STPG2: variants seen among roughly 807,000 people sequenced by gnomAD.
The protein encoded by STPG2 is sperm-tail PG-rich repeat-containing protein 2.
In STPG2, 56 loss-of-function variants were observed where a neutral mutation model predicts 54.2. That is an observed-to-expected ratio of 1.03 (90% confidence interval 0.83 to 1.29). The LOEUF (loss-of-function observed/expected upper bound fraction) is 1.29, where lower values mean the gene tolerates loss of function less well. STPG2 is among the 50% of genes most tolerant of loss of function. The probability of loss-of-function intolerance (pLI) is 0.00; values close to 1 mark genes in which losing one functional copy is unlikely to be tolerated. For missense variants in STPG2, 596 were observed against 544.9 expected (o/e 1.09, Z -0.93); for synonymous variants, 200 against 181.8 (o/e 1.10, Z -0.81).
At position 97,700,910 on chromosome 4, in the gene STPG2, A is replaced by G. The variant is rs1444427271; in HGVS notation, c.1320+11789T>C. ...AAATCAATGAAACCACATTTGGTAC[A>G]GCAGCTGAAATTGGAGTCACCACTT... is the stretch of plus-strand genomic sequence containing the variant. On this transcript the variant is annotated intron_variant, in intron 10 of 10. Transcript: ENST00000295268. 4.6e-5 allele frequency among the ~76,000 whole-genome samples: 7 copies of G among 152,350 alleles called. No individual in the cohort carries two copies. In the East Asian group the frequency reaches 1.4e-3, roughly 29 times the overall value.
rs898567370 is a variant in STPG2 at position 97,547,872 on chromosome 4, C to T, written c.462+164827G>A. Among the ~76,000 whole-genome samples, 89 of 152,188 alleles carry T rather than the reference C, an allele frequency of 5.8e-4. 1 individual carries two copies. Among genetic ancestry groups the T allele is most frequent in the Non-Finnish European group, 1.1e-3 (73 of 68,002 alleles). On this transcript the variant is annotated intron_variant, in intron 4 of 4. Transcript: ENST00000522676. ...TAGCTGTATAAAGAGAAACATGAGC[C>T]GGGCATGGTCGCTCATGCCTGTAAT...
At chr4:97,589,335 T>A (rs941568495) in intron 10 of STPG2, among the ~76,000 whole-genome samples, 2 of 152,072 alleles carry the variant, frequency 1.3e-5, no homozygotes, top group East Asian at 3.9e-4. Context: ...CATTATATAG[T>A]AGGGAATAGC....
chr4:97,661,250 CA>C (rs1329460752), intron 10 of STPG2, among the ~76,000 whole-genome samples: 1 of 151,968 alleles, frequency 6.6e-6, no homozygotes, highest in Non-Finnish European at 1.5e-5. Flanking sequence ...AAAAGAAACA[CA>C]AAAATGGGCT....
intron 4 of STPG2, among the ~76,000 whole-genome samples, chr4:97,534,354 A>G (rs1334659319): frequency 6.6e-6 from 1 of 152,100 alleles, no homozygotes; most frequent in African/African-American, 2.4e-5. Context: ...ATCTTACCCT[A>G]TGCAGACTTA....
At chr4:98,109,931 C>A (rs564123849) in intron 3 of STPG2, among the ~76,000 whole-genome samples, 1 of 152,098 alleles carries the variant, frequency 6.6e-6, no homozygotes, top group South Asian at 2.1e-4. Flanking sequence ...TAAGCATGAA[C>A]CATAAAAAGT....
intron 2 of STPG2, among the ~76,000 whole-genome samples, chr4:98,131,907 T>C (rs1375086519): frequency 6.6e-6 from 1 of 152,044 alleles, no homozygotes; most frequent in African/African-American, 2.4e-5. Context: ...CTATAAATCT[T>C]CCATAAATTA....
In STPG2 at chr4:97,852,977, T is replaced by C. The variant is rs1014981447; in HGVS notation, c.1045-12045A>G. 9.3e-4 allele frequency among the ~76,000 whole-genome samples: 115 copies of C among 123,042 alleles called. 1 individual carries two copies. The highest frequency in any genetic ancestry group is 2.8e-3 in the African/African-American group (88 of 31,698). The allele number at this position is 123,042 out of a possible 152,430, so 80.7% of individuals were successfully genotyped here. A position where few individuals can be genotyped will look rare whatever the true frequency, so the allele number is the denominator to read the frequency against. The stretch of plus-strand genomic sequence containing the variant: ...AAATTAACATATTTTCTTTTTTTTT[T>C]TTTTTTTTTTTTTTTTTGAGACAGA... On this transcript the variant is annotated intron_variant, in intron 8 of 10. Coordinates refer to ENST00000295268, the MANE Select transcript of STPG2 (RefSeq NM_174952.3).
chr4:97,730,732 T>C (rs1724771419), intron 9 of STPG2, among the ~76,000 whole-genome samples: 1 of 152,206 alleles, frequency 6.6e-6, no homozygotes, highest in South Asian at 2.1e-4. Context: ...AAATCTTTTT[T>C]TCTGACTGGA....
chr4:98,022,484 C>A (rs1352454578), intron 5 of STPG2, among the ~76,000 whole-genome samples: 2 of 151,860 alleles, frequency 1.3e-5, no homozygotes, highest in Non-Finnish European at 1.5e-5. Flanking sequence ...GTGAATCTGA[C>A]AATTATGTGT....
chr4:97,907,483 C>G (rs1731482301), intron 8 of STPG2, among the ~76,000 whole-genome samples: 1 of 152,094 alleles, frequency 6.6e-6, no homozygotes. Flanking sequence ...CATCAAGCTA[C>G]CAATGCCTTT....
Position 98,045,178 on chromosome 4 carries a change from C to T in STPG2, c.612+60775G>A, listed in dbSNP as rs190674813. ...TGAATCCTCCTTCCCTGCTAGGTGC[C>T]TGTCACCTGTCTTCACTGCCTCCTT... On this transcript the variant is annotated intron_variant, in intron 5 of 10. Transcript: ENST00000295268. 4.3e-3 allele frequency among the ~76,000 whole-genome samples: 646 copies of T among 151,748 alleles called. 3 individuals carry two copies. The highest frequency in any genetic ancestry group is 0.025 in the South Asian group (118 of 4,786).
chr4:97,882,309 T>C (rs1042381444), intron 8 of STPG2, among the ~76,000 whole-genome samples: 2 of 151,802 alleles, frequency 1.3e-5, no homozygotes, highest in Non-Finnish European at 2.9e-5. Flanking sequence ...GGGAGGAAAA[T>C]AGCTGCCACT....
chr4:97,773,214 T>C (rs537147381), intron 9 of STPG2, among the ~76,000 whole-genome samples: 174 of 152,304 alleles, frequency 1.1e-3, no homozygotes, highest in Non-Finnish European at 2.3e-3. Context: ...AACTCCATGA[T>C]AGAAATTGAC....
Position 97,816,778 on chromosome 4 carries a change from C to A in STPG2, c.1204+23995G>T, listed in dbSNP as rs1319337579. Among the ~76,000 whole-genome samples the A allele has an allele frequency of 4.0e-5, 6 of 149,122 alleles. No homozygotes were observed. The Admixed American group carries it at 4.0e-4, about 10-fold the overall frequency. ...TTTCTTTTTCTTTTCTTTTCTTTTT[C>A]TTTCACTCTCTTTCTGTCTCTCTCT... On this transcript the variant is annotated intron_variant, in intron 9 of 10. Coordinates refer to ENST00000295268, the MANE Select transcript of STPG2 (RefSeq NM_174952.3).
At chr4:97,967,875 T>C (rs1578741128) in intron 7 of STPG2, among the ~76,000 whole-genome samples, 1 of 152,174 alleles carries the variant, frequency 6.6e-6, no homozygotes, top group Non-Finnish European at 1.5e-5. Flanking sequence ...TAGAGGGAAA[T>C]TTATACTACT....
At chr4:97,590,316 C>G (rs925005302) in intron 10 of STPG2, among the ~76,000 whole-genome samples, 1 of 151,676 alleles carries the variant, frequency 6.6e-6, no homozygotes, top group Non-Finnish European at 1.5e-5. Context: ...TAAAGACTTA[C>G]GAACAGAAGC....
intron 9 of STPG2, among the ~76,000 whole-genome samples, chr4:97,740,726 T>C (rs1025983858): frequency 6.6e-6 from 1 of 152,156 alleles, no homozygotes; most frequent in Non-Finnish European, 1.5e-5. Context: ...TACAAACAAA[T>C]GGAAGAACAT....
At chr4:97,806,293 G>A (rs1727559795) in intron 9 of STPG2, among the ~76,000 whole-genome samples, 1 of 152,102 alleles carries the variant, frequency 6.6e-6, no homozygotes, top group South Asian at 2.1e-4. Context: ...ACATGTTCTT[G>A]CCTATAAATG....
chr4:97,661,448 T>A (rs1429364220), intron 10 of STPG2, among the ~76,000 whole-genome samples: 1 of 152,152 alleles, frequency 6.6e-6, no homozygotes, highest in African/African-American at 2.4e-5. Flanking sequence ...ACAATCCATA[T>A]CCATCATATC....
Sources: allele counts gnomAD v4.1 joint callset (sites outside exome capture counted in the v4.1 genomes callset), GRCh38; gene constraint gnomAD v4.1.1; transcripts MANE v1.5; gene names NCBI Gene and HGNC (gene_info 2026-07-23, HGNC 2026-07-21).